The following SATB2 variants were observed in gnomAD, a reference collection of about 807,000 sequenced individuals.
SATB2 encodes the protein DNA-binding protein SATB2.
SATB2 carries 1 observed loss-of-function variant against 73.4 expected under a neutral mutation model. The ratio of observed to expected loss-of-function variants is 0.01; its 90% CI spans 0.00 to 0.06. SATB2 has a LOEUF of 0.06. Ranked by LOEUF, SATB2 falls within the 10% of genes least tolerant of loss-of-function variation. SATB2 has a pLI of 1.00. For synonymous variants in SATB2, 397 were observed against 367.0 expected (o/e 1.08, Z -0.93); for missense variants, 459 against 945.8 (o/e 0.49, Z 6.75).
intron 1 of SATB2, among the ~76,000 whole-genome samples, chr2:199,456,975 T>TGGGGGGGGG (rs71397724): frequency 7.6e-3 from 907 of 119,098 alleles, no homozygotes; most frequent in Non-Finnish European, 9.4e-3. Flanking sequence ...ATTGGGGGGG[T>TGGGGGGGGG]GGGGGGGGGC....
At chr2:199,367,825 C>T (rs1322143321) in intron 6 of SATB2, among the ~76,000 whole-genome samples, 1 of 152,072 alleles carries the variant, frequency 6.6e-6, no homozygotes, top group African/African-American at 2.4e-5. Flanking sequence ...CCACCACTGA[C>T]ATATTTGAAA....
chr2:199,469,798 A>T (rs924449505), upstream of SATB2: 1 of 152,388 alleles, frequency 6.6e-6, no homozygotes, highest in African/African-American at 2.4e-5. Context: ...CCCTTCCCAC[A>T]TTAGCTTGTT....
intron 6 of SATB2, among the ~76,000 whole-genome samples, chr2:199,353,738 C>T (rs1372053547): frequency 6.6e-6 from 1 of 152,008 alleles, no homozygotes; most frequent in Admixed American, 6.6e-5. Flanking sequence ...CCTTCCTTTC[C>T]CTTCTTTCTT....
chr2:199,450,468 G>T (rs759179021), intron 2 of SATB2, among the ~76,000 whole-genome samples: 36 of 151,992 alleles, frequency 2.4e-4, no homozygotes, highest in Non-Finnish European at 4.7e-4. Flanking sequence ...ACAATATAAA[G>T]AATTCTTTAT....
At chr2:199,339,637 T>C (rs189874299) in intron 7 of SATB2, among the ~76,000 whole-genome samples, 4 of 152,278 alleles carry the variant, frequency 2.6e-5, no homozygotes, top group Admixed American at 2.6e-4. Flanking sequence ...TGTGTTCTAT[T>C]ACTCTATGAC....
chr2:199,366,812 T>TA lies in SATB2; in HGVS notation c.700+1792dup, dbSNP rs36110374. Among the ~76,000 whole-genome samples, 1,066 of 140,864 alleles carry TA rather than the reference T, an allele frequency of 7.6e-3. 2 individuals are homozygous for TA. The highest frequency in any genetic ancestry group is 0.011 in the Non-Finnish European group (736 of 65,136). 92.4% of individuals were successfully genotyped at this position (140,864 alleles called of 152,430 possible). ...GATTTAATTGTGCATTTACTATCTTTAAAAAAAAAAAAAAAAGATACAGCT... is the reference window on the plus strand; with the variant it reads ...GATTTAATTGTGCATTTACTATCTTTAAAAAAAAAAAAAAAAAGATACAGCT... On this transcript the variant is annotated intron_variant, in intron 6 of 10. Transcript: ENST00000417098.
chr2:199,460,858 C>A (rs960388638), upstream of SATB2, among the ~76,000 whole-genome samples: 1 of 152,128 alleles, frequency 6.6e-6, no homozygotes, highest in African/African-American at 2.4e-5. This position sits in a 1 kb window ranked among gnomAD's most constrained non-coding sequence, Gnocchi z 4.0. Flanking sequence ...AATTATTAAA[C>A]CCCTGAGAAG....
intron 10 of SATB2, among the ~76,000 whole-genome samples, chr2:199,283,424 G>A (rs1024263641): frequency 2.0e-5 from 3 of 151,504 alleles, no homozygotes; most frequent in Admixed American, 1.3e-4. Context: ...GAAATTCGCC[G>A]TGAGCTCATG....
At chr2:199,385,654 C>T (rs1689909878) in intron 3 of SATB2, among the ~76,000 whole-genome samples, 1 of 152,132 alleles carries the variant, frequency 6.6e-6, no homozygotes, top group Non-Finnish European at 1.5e-5. Flanking sequence ...TAGCAAGTAG[C>T]AGAGCTCAGA....
chr2:199,328,995 T>C (rs932897372), intron 7 of SATB2, 85 bp from the exon 8 acceptor site: 15 of 1,049,770 alleles, frequency 1.4e-5, no homozygotes, highest in South Asian at 5.4e-5. Context: ...TCTCCTCCTT[T>C]GTTTGGTTTA....
intron 6 of SATB2, among the ~76,000 whole-genome samples, chr2:199,352,423 T>C (rs942452669): frequency 4.6e-5 from 7 of 152,192 alleles, no homozygotes; most frequent in Non-Finnish European, 1.0e-4. Context: ...TATGAATTGG[T>C]GCAGTAAGAG....
intron 7 of SATB2, among the ~76,000 whole-genome samples, chr2:199,340,864 T>G (rs1165509888): frequency 6.6e-6 from 1 of 152,172 alleles, no homozygotes; most frequent in Admixed American, 6.5e-5. Flanking sequence ...ATTTAACAGA[T>G]TTGCTCAGAT....
chr2:199,431,719 C>T (rs1459082694), intron 3 of SATB2, among the ~76,000 whole-genome samples: 2 of 152,262 alleles, frequency 1.3e-5, no homozygotes. Context: ...GAGCCCCTTC[C>T]CTCAGTATGT....
At position 199,433,374 on chromosome 2, in the gene SATB2, G is replaced by A. The variant is rs1180201896; in HGVS notation, c.310C>T (p.Leu104=). Residue 104 remains leucine, a synonymous_variant, in exon 3 of 11, where the codon CTG becomes TTG. Transcript: ENST00000417098. Reference sequence around the variant, plus strand: ...GCCGCAGAGCTGTGAGAATACCCCAGGGCCAGGAGCGCAGTCTCCACCAGC... The same window carrying A: ...GCCGCAGAGCTGTGAGAATACCCCAAGGCCAGGAGCGCAGTCTCCACCAGC... ...SQLVETALLA[L]GYSHSSAAQA... is the part of the protein sequence containing the mutation. 1 of 1,614,096 alleles carries A rather than the reference G, an allele frequency of 6.2e-7. No individual in the cohort carries two copies.
Position 199,413,201 on chromosome 2 carries a change from C to T in SATB2, c.346+20137G>A, listed in dbSNP as rs112202248. Among the ~76,000 whole-genome samples the T allele has an allele frequency of 2.0e-3, 303 of 152,112 alleles. 8 individuals carry two copies. In the South Asian group the frequency reaches 0.03, roughly 15 times the overall value. Reference sequence around the variant, plus strand: ...AGTGTTTAATCTGAAAATAGTACTCCGAAGCACATATGTAATCTTTTCTTA... The same window carrying T: ...AGTGTTTAATCTGAAAATAGTACTCTGAAGCACATATGTAATCTTTTCTTA... On this transcript the variant is annotated intron_variant, in intron 3 of 10. Coordinates refer to ENST00000417098, the MANE Select transcript of SATB2 (RefSeq NM_001172509.2).
intron 10 of SATB2, among the ~76,000 whole-genome samples, chr2:199,292,110 G>C (rs1366515733): frequency 1.3e-5 from 2 of 151,862 alleles, no homozygotes; most frequent in Non-Finnish European, 2.9e-5. Flanking sequence ...AAAGAGAAAA[G>C]GCAAAATTTA....
At chr2:199,354,054 A>G (rs1688900700) in intron 6 of SATB2, among the ~76,000 whole-genome samples, 1 of 152,152 alleles carries the variant, frequency 6.6e-6, no homozygotes, top group Non-Finnish European at 1.5e-5. Flanking sequence ...CTTATTAAAG[A>G]GACAGTAAAA....
intron 7 of SATB2, among the ~76,000 whole-genome samples, chr2:199,338,746 A>G (rs1688413754): frequency 6.6e-6 from 1 of 151,726 alleles, no homozygotes. Context: ...GTGAAACCCC[A>G]TCTCTACTAA....
At chr2:199,370,946 C>CAAAAA (rs67348909) in intron 5 of SATB2, among the ~76,000 whole-genome samples, 6 of 69,512 alleles carry the variant, frequency 8.6e-5, no homozygotes, top group Non-Finnish European at 1.5e-4. Context: ...ATGAACTGAG[C>CAAAAA]AAAAAAAAAA....
Sources: gnomAD v4.1 joint callset for allele counts (sites outside exome capture counted in the v4.1 genomes callset) on GRCh38, gnomAD v4.1.1 for gene constraint, Gnocchi (gnomAD v3.1) non-coding constraint, MANE v1.5 for transcripts, NCBI Gene and HGNC (gene_info 2026-07-23, HGNC 2026-07-21) for gene names.